MAGI3: variants seen among roughly 807,000 people sequenced by gnomAD.
The protein encoded by MAGI3 is membrane-associated guanylate kinase, WW and PDZ domain-containing protein 3.
A neutral mutation model predicts 121.8 loss-of-function variants in MAGI3; 43 were observed. The ratio of observed to expected loss-of-function variants is 0.35; its 90% CI spans 0.28 to 0.46. The LOEUF (loss-of-function observed/expected upper bound fraction) is 0.46, where lower values mean the gene tolerates loss of function less well. MAGI3 is among the 20% of genes least tolerant of loss of function. MAGI3 has a pLI of 1.00. For missense variants in MAGI3, 1,547 were observed against 1,797.3 expected (o/e 0.86, Z 2.52); for synonymous variants, 553 against 639.3 (o/e 0.86, Z 2.04).
At chr1:113,568,266 C>T (rs1660516749) in intron 2 of MAGI3, among the ~76,000 whole-genome samples, 1 of 151,994 alleles carries the variant, frequency 6.6e-6, no homozygotes, top group Admixed American at 6.6e-5. Context: ...CTTACCATAG[C>T]ATATAAGTTT....
intron 1 of MAGI3, among the ~76,000 whole-genome samples, chr1:113,395,087 G>GTT (rs139532433): frequency 0.024 from 796 of 33,222 alleles, 83 homozygotes; most frequent in Middle Eastern, 0.038. Context: ...CTTTTTGTTA[G>GTT]TTTTTTTTTT....
intron 2 of MAGI3, among the ~76,000 whole-genome samples, chr1:113,564,968 G>C (rs1220700573): frequency 2.0e-5 from 3 of 151,898 alleles, no homozygotes; most frequent in Non-Finnish European, 4.4e-5. Flanking sequence ...TCCTGCCTCA[G>C]CCTCCTGAGT....
At position 113,391,791 on chromosome 1, in the gene MAGI3, C is replaced by T. The variant is rs1430026474; in HGVS notation, c.316+442C>T. On this transcript the variant is annotated intron_variant, in intron 1 of 20. Coordinates refer to ENST00000307546, the MANE Select transcript of MAGI3 (RefSeq NM_001142782.2). This position sits in a 1 kb window ranked among gnomAD's most constrained non-coding sequence, Gnocchi z 4.4. ...GAGGCACTTGGTGCCAAGGTTACCA[C>T]CTGGTGTACCTGGAAGGGCTTAGCT... is the stretch of plus-strand genomic sequence containing the variant. Among the ~76,000 whole-genome samples the T allele has an allele frequency of 6.6e-6, 1 of 152,198 alleles. No homozygotes were observed. Among genetic ancestry groups the T allele is most frequent in the African/African-American group, 2.4e-5 (1 of 41,456 alleles).
At chr1:113,492,529 T>C (rs1160384696) in intron 1 of MAGI3, among the ~76,000 whole-genome samples, 1 of 152,152 alleles carries the variant, frequency 6.6e-6, no homozygotes, top group Non-Finnish European at 1.5e-5. Context: ...GTTTTCAACA[T>C]AGTTTTGAAA....
intron 2 of MAGI3, among the ~76,000 whole-genome samples, chr1:113,575,741 C>T (rs2101711160): frequency 6.6e-6 from 1 of 152,348 alleles, no homozygotes; most frequent in South Asian, 2.1e-4. Flanking sequence ...CTGCTGCTCT[C>T]TTCAGAGTCG....
intron 1 of MAGI3, among the ~76,000 whole-genome samples, chr1:113,545,142 C>T (rs1659474761): frequency 6.6e-6 from 1 of 150,838 alleles, no homozygotes; most frequent in Non-Finnish European, 1.5e-5. Flanking sequence ...AAGAGAGAGA[C>T]AAATGTCCTA....
At chr1:113,416,382 T>C (rs1557744849) in intron 1 of MAGI3, among the ~76,000 whole-genome samples, 1 of 89,894 alleles carries the variant, frequency 1.1e-5, no homozygotes, top group African/African-American at 4.1e-5. Context: ...AATATATTAA[T>C]AATATATATT....
At chr1:113,411,619 C>T (rs1023827866) in intron 1 of MAGI3, among the ~76,000 whole-genome samples, 4 of 151,858 alleles carry the variant, frequency 2.6e-5, no homozygotes, top group Admixed American at 2.6e-4. Context: ...ATAAGCTACA[C>T]ATTTTGCTGG....
chr1:113,434,607 C>T (rs1363399256), intron 1 of MAGI3, among the ~76,000 whole-genome samples: 1 of 152,168 alleles, frequency 6.6e-6, no homozygotes, highest in Admixed American at 6.5e-5. Flanking sequence ...CTCCTCTGTC[C>T]TCTGTGCCTC....
At chr1:113,572,502 G>A (rs928292430) in intron 2 of MAGI3, among the ~76,000 whole-genome samples, 7 of 152,144 alleles carry the variant, frequency 4.6e-5, no homozygotes, top group Non-Finnish European at 8.8e-5. Flanking sequence ...GGTAGAATTT[G>A]GCTGTGAATC....
intron 16 of MAGI3, among the ~76,000 whole-genome samples, chr1:113,666,104 A>T (rs1017468365): frequency 6.6e-6 from 1 of 152,198 alleles, no homozygotes; most frequent in Admixed American, 6.5e-5. Context: ...GTAAGTCTTA[A>T]TCTTTATGCT....
chr1:113,475,672 A>G (rs1213509458), intron 1 of MAGI3, among the ~76,000 whole-genome samples: 3 of 152,122 alleles, frequency 2.0e-5, no homozygotes, highest in African/African-American at 7.2e-5. Flanking sequence ...ATACAGGGAT[A>G]TTGGTCTAAA....
At chr1:113,424,507 G>C (rs764312955) in intron 1 of MAGI3, among the ~76,000 whole-genome samples, 1 of 151,930 alleles carries the variant, frequency 6.6e-6, no homozygotes, top group Admixed American at 6.6e-5. Context: ...CCACTAATCT[G>C]TTTTCTATTT....
intron 5 of MAGI3, 69 bp from the exon 6 acceptor site, chr1:113,594,412 A>G (rs1211952096): frequency 7.9e-7 from 1 of 1,269,878 alleles, no homozygotes; most frequent in Non-Finnish European, 1.1e-6. Context: ...GTCACTTTTA[A>G]TCTTTACTTT....
At chr1:113,618,252 G>A (rs1024924913) in intron 7 of MAGI3, among the ~76,000 whole-genome samples, 19 of 151,968 alleles carry the variant, frequency 1.3e-4, no homozygotes, top group African/African-American at 2.9e-4. Context: ...TGGGAATATC[G>A]TTTGAGCCTG....
chr1:113,514,229 G>A (rs139935117), intron 1 of MAGI3, among the ~76,000 whole-genome samples: 9,841 of 152,136 alleles, frequency 0.065, 345 homozygotes, highest in Non-Finnish European at 0.076. Flanking sequence ...GTTCCTCAGG[G>A]ATCTAGAACT....
At chr1:113,569,786 A>G (rs1323559658) in intron 2 of MAGI3, among the ~76,000 whole-genome samples, 1 of 152,174 alleles carries the variant, frequency 6.6e-6, no homozygotes, top group African/African-American at 2.4e-5. Context: ...CTTAGAGATA[A>G]AATAATGATG....
At chr1:113,662,286 A>G (rs1653821859) in intron 16 of MAGI3, among the ~76,000 whole-genome samples, 1 of 152,168 alleles carries the variant, frequency 6.6e-6, no homozygotes, top group Non-Finnish European at 1.5e-5. Flanking sequence ...ATATTTCATA[A>G]AAGACTTCCA....
intron 5 of MAGI3, among the ~76,000 whole-genome samples, chr1:113,594,209 A>G (rs1209015220): frequency 6.6e-6 from 1 of 152,244 alleles, no homozygotes; most frequent in East Asian, 1.9e-4. Flanking sequence ...AACTGCTTAA[A>G]TAGTGTCTGT....
Sources: gnomAD v4.1 joint callset for allele counts (sites outside exome capture counted in the v4.1 genomes callset) on GRCh38, gnomAD v4.1.1 for gene constraint, Gnocchi (gnomAD v3.1) non-coding constraint, MANE v1.5 for transcripts, NCBI Gene and HGNC (gene_info 2026-07-23, HGNC 2026-07-21) for gene names.